Variants in DEFB116 observed in about 807,000 individuals in gnomAD.
The protein encoded by DEFB116 is defensin beta 116, also known as beta-defensin 116.
Under a neutral mutation model 2.8 loss-of-function variants are expected in DEFB116, and 5 were observed. That is an observed-to-expected ratio of 1.80 (90% CI 0.94 to 3.79). The LOEUF is 3.79. Ranked by LOEUF, DEFB116 falls within the 30% of genes most tolerant of loss-of-function variation. The pLI, the probability that DEFB116 is intolerant of heterozygous loss-of-function variation, is 0.00. For missense variants in DEFB116, 170 were observed against 118.0 expected, an observed-to-expected ratio of 1.44 and a Z score of -2.04; for synonymous variants, 56 against 40.8, an observed-to-expected ratio of 1.37 and a Z score of -1.42.
intron 1 of DEFB116, 105 bp from the exon 2 acceptor site, chr20:31,303,558 T>C: frequency 6.8e-7 from 1 of 1,474,044 alleles, no homozygotes; most frequent in Non-Finnish European, 9.1e-7. Context: ...GCACAAGATC[T>C]GGAATCAAAA....
At chr20:31,305,777 T>C (rs930272879) in intron 1 of DEFB116, among the ~76,000 whole-genome samples, 2 of 151,982 alleles carry the variant, frequency 1.3e-5, no homozygotes, top group Admixed American at 1.3e-4. Context: ...ACTGTGTTTG[T>C]GTAAAAAAGA....
chr20:31,304,884 G>GA (rs374596555), intron 1 of DEFB116, among the ~76,000 whole-genome samples: 2 of 152,162 alleles, frequency 1.3e-5, no homozygotes, highest in Non-Finnish European at 2.9e-5. Context: ...TTCTTGCATG[G>GA]AAAAAATGAA....
chr20:31,308,479 C>A, intron 1 of DEFB116, 40 bp downstream of exon 1: 1 of 1,605,996 alleles, frequency 6.2e-7, no homozygotes, highest in Non-Finnish European at 8.5e-7. Context: ...ACCAGTACCA[C>A]ATGCAAGACG....
chr20:31,308,547 G>C lies in DEFB116; in HGVS notation c.39C>G (p.Ile13Met), dbSNP rs1985049119. Residue 13 changes from isoleucine (I) to methionine (M), a missense_variant, in exon 1 of 2, where the codon ATC becomes ATG. Transcript: ENST00000400549. ...VMKPCLMTIA[I>M]LMILAQKTPG... Reference sequence around the variant, plus strand: ...GAGTCTTTTGAGCCAGGATCATAAGGATGGCAATGGTCATTAAACAGGGCT... The same window carrying C: ...GAGTCTTTTGAGCCAGGATCATAAGCATGGCAATGGTCATTAAACAGGGCT... 1 of 1,613,618 alleles carries C rather than the reference G, an allele frequency of 6.2e-7. No individual in the cohort carries two copies. Among genetic ancestry groups the C allele is most frequent in the Non-Finnish European group, 8.5e-7 (1 of 1,179,572 alleles).
intron 1 of DEFB116, 30 bp downstream of exon 1, chr20:31,308,489 G>C (rs760580804): frequency 1.2e-6 from 2 of 1,610,986 alleles, no homozygotes; most frequent in Admixed American, 3.3e-5. Flanking sequence ...CATGCAAGAC[G>C]CCAGAACCTT....
In DEFB116 at chr20:31,308,554, A is replaced by T. The variant is rs772038210; in HGVS notation, c.32T>A (p.Ile11Asn). The change falls in exon 1 of 2, where the codon ATT becomes AAT. Residue 11 changes from isoleucine (I) to asparagine (N), a missense_variant. Transcript: ENST00000400549. ...TTGAGCCAGGATCATAAGGATGGCA[A>T]TGGTCATTAAACAGGGCTTCATGAC... MSVMKPCLMTIAILMILAQKT... is the reference protein window; with the variant it reads MSVMKPCLMTNAILMILAQKT... The T allele has an allele frequency of 6.2e-7, 1 of 1,613,600 alleles. No individual in the cohort carries two copies. The highest frequency in any genetic ancestry group is 8.5e-7 in the Non-Finnish European group (1 of 1,179,580).
At chr20:31,306,221 T>C (rs893936254) in intron 1 of DEFB116, among the ~76,000 whole-genome samples, 1 of 152,166 alleles carries the variant, frequency 6.6e-6, no homozygotes, top group African/African-American at 2.4e-5. Context: ...TCATTACATA[T>C]TCATTCATTC....
chr20:31,305,855 G>A (rs1231082545), intron 1 of DEFB116, among the ~76,000 whole-genome samples: 2 of 151,986 alleles, frequency 1.3e-5, no homozygotes, highest in Non-Finnish European at 1.5e-5. Flanking sequence ...TAAGTCTCTA[G>A]AATTTCTGAT....
chr20:31,308,577 G>C lies in DEFB116; in HGVS notation c.9C>G (p.Val3=), dbSNP rs756351237. 23 of 1,613,296 alleles carry C rather than the reference G, an allele frequency of 1.4e-5. No individual in the cohort carries two copies. The East Asian group carries it at 3.1e-4, about 22-fold the overall frequency. The change falls in exon 1 of 2, where the codon GTC becomes GTG. Residue 3 remains valine (V), a synonymous_variant. Transcript: ENST00000400549. ...CAATGGTCATTAAACAGGGCTTCAT[G>C]ACTGACATGTTCCACCAGAATGAAG... MS[V]MKPCLMTIAI... is the part of the protein sequence containing the mutation.
chr20:31,303,492 G>A, intron 1 of DEFB116, 39 bp from the exon 2 acceptor site: 1 of 1,609,540 alleles, frequency 6.2e-7, no homozygotes, highest in Non-Finnish European at 8.5e-7. Context: ...CCATGCAGCA[G>A]TGATAATAGG....
intron 1 of DEFB116, among the ~76,000 whole-genome samples, chr20:31,304,190 T>C (rs1286423000): frequency 6.6e-6 from 1 of 152,146 alleles, no homozygotes; most frequent in Admixed American, 6.6e-5. Flanking sequence ...TTGATAGCTA[T>C]GTATAAGTCA....
chr20:31,308,420 G>T (rs1985044981), intron 1 of DEFB116, 99 bp downstream of exon 1: 2 of 1,168,482 alleles, frequency 1.7e-6, no homozygotes, highest in South Asian at 2.5e-5. Flanking sequence ...AAGGCTTTAG[G>T]TGTTGCCCAC....
chr20:31,304,906 T>G (rs890091871), intron 1 of DEFB116, among the ~76,000 whole-genome samples: 2 of 152,098 alleles, frequency 1.3e-5, no homozygotes, highest in Non-Finnish European at 2.9e-5. Flanking sequence ...ACTTTGCTAA[T>G]TTTTAGATTA....
intron 1 of DEFB116, among the ~76,000 whole-genome samples, chr20:31,306,836 TG>T (rs1985000754): frequency 1.3e-5 from 2 of 152,126 alleles, no homozygotes; most frequent in East Asian, 1.9e-4. Flanking sequence ...TGCCAAGATT[TG>T]ACAGGAGACA....
chr20:31,303,594 G>A, intron 1 of DEFB116, 141 bp from the exon 2 acceptor site: 2 of 1,224,210 alleles, frequency 1.6e-6, no homozygotes, highest in Non-Finnish European at 1.1e-6. Context: ...TCTGGGCTCT[G>A]CCATTTACCA....
intron 1 of DEFB116, among the ~76,000 whole-genome samples, chr20:31,308,193 C>T (rs140023689): frequency 6.6e-6 from 1 of 152,240 alleles, no homozygotes; most frequent in African/African-American, 2.4e-5. Flanking sequence ...CTATACCCCT[C>T]CTATAGCTCC....
rs1984929365 is a variant in DEFB116, at chr20:31,303,448, G to A, written c.73C>T (p.Leu25=). 6.2e-7 allele frequency: 1 copy of A among 1,613,052 alleles called. No homozygotes were observed. The highest frequency in any genetic ancestry group is 8.5e-7 in the Non-Finnish European group (1 of 1,179,422). ...CTCTTGCCATTGTGGGATCTGAACAGGCCACCTGGGAAAGACATGGCCATG... is the reference window on the plus strand; with the variant it reads ...CTCTTGCCATTGTGGGATCTGAACAAGCCACCTGGGAAAGACATGGCCATG... ...MILAQKTPGG[L]FRSHNGKSRE... Residue 25 remains leucine (L), a synonymous_variant, in exon 2 of 2, where the codon CTG becomes TTG. Coordinates refer to ENST00000400549, the MANE Select transcript of DEFB116 (RefSeq NM_001037731.1).
intron 1 of DEFB116, among the ~76,000 whole-genome samples, chr20:31,303,754 A>C (rs1006543033): frequency 2.6e-5 from 4 of 152,118 alleles, no homozygotes; most frequent in African/African-American, 9.7e-5. Context: ...CTGGCACATA[A>C]CAAGTAATTG....
In DEFB116 at chr20:31,303,378, C is replaced by T. The variant is rs1425529366; in HGVS notation, c.143G>A (p.Arg48Lys). The T allele has an allele frequency of 6.2e-7, 1 of 1,613,622 alleles. No individual in the cohort carries two copies. The highest frequency in any genetic ancestry group is 1.7e-5 in the Admixed American group (1 of 59,976). Reference protein sequence around the residue: ...NPCELYQGMCRNACREYEIQY... With the variant: ...NPCELYQGMCKNACREYEIQY... ...GATTTCATATTCTCTGCAGGCGTTT[C>T]TGCACATGCCTTGGTAAAGCTCACA... Residue 48 changes from arginine to lysine, a missense_variant, in exon 2 of 2, where the codon AGA becomes AAA. By Grantham distance (26) the Arg-to-Lys change is conservative. Transcript: ENST00000400549.
Sources: gnomAD v4.1 joint callset for allele counts (sites outside exome capture counted in the v4.1 genomes callset) on GRCh38, gnomAD v4.1.1 for gene constraint, MANE v1.5 for transcripts, NCBI Gene and HGNC (gene_info 2026-07-23, HGNC 2026-07-21) for gene names.